Variants in PRRG1 observed in about 807,000 individuals in gnomAD.
PRRG1 encodes proline rich and Gla domain 1.
Under a neutral mutation model 11.8 loss-of-function variants are expected in PRRG1, and 5 were observed. The ratio of observed to expected loss-of-function variants is 0.42; its 90% CI spans 0.22 to 0.89. PRRG1 has a LOEUF of 0.89. PRRG1 is among the 40% of genes least tolerant of loss of function. The pLI is 0.28. For synonymous variants in PRRG1, 66 were observed against 60.4 expected (o/e 1.09, Z -0.43); for missense variants, 155 against 166.1 (o/e 0.93, Z 0.37).
chrX:37,370,949 A>G (rs781943761), intron 1 of PRRG1, among the ~76,000 whole-genome samples: 1 of 111,422 alleles, frequency 9.0e-6, no homozygotes, highest in African/African-American at 3.3e-5. Context: ...ACCCTTCAGC[A>G]CAAACAGCCT....
At chrX:37,400,306 C>T in intron 1 of PRRG1, among the ~76,000 whole-genome samples, 2 of 111,848 alleles carry the variant, frequency 1.8e-5, no homozygotes, top group Middle Eastern at 4.6e-3. Flanking sequence ...TGCAATCAAA[C>T]TAGAACTCAG....
At chrX:37,426,384 A>G (rs139922924) in intron 3 of PRRG1, among the ~76,000 whole-genome samples, 2,266 of 112,183 alleles carry the variant, frequency 0.02, 58 homozygotes, top group African/African-American at 0.069. Context: ...CTTCTCGTAC[A>G]AAAGAAAAGA....
At chrX:37,351,309 ATGGTGAAACC>A (rs2146913453) in intron 1 of PRRG1, among the ~76,000 whole-genome samples, 1 of 110,948 alleles carries the variant, frequency 9.0e-6, no homozygotes, top group East Asian at 2.8e-4. Context: ...CCTGGCTAAC[ATGGTGAAACC>A]CCGTCTCTAC....
intron 1 of PRRG1, among the ~76,000 whole-genome samples, chrX:37,357,412 C>T (rs1388159710): frequency 8.9e-6 from 1 of 111,941 alleles, no homozygotes; most frequent in African/African-American, 3.2e-5. Context: ...CATTTGAATA[C>T]AAAGGAGCTC....
At chrX:37,445,633 C>T (rs781949320) in intron 3 of PRRG1, among the ~76,000 whole-genome samples, 11 of 112,887 alleles carry the variant, frequency 9.7e-5, no homozygotes, top group Non-Finnish European at 1.5e-4. Context: ...GACAAATATC[C>T]GGAAAGACTT....
At position 37,456,337 on chromosome X, in the gene PRRG1, T is replaced by C. The variant is rs1290488349; in HGVS notation, c.*2716T>C. On this transcript the variant is annotated 3_prime_UTR_variant, in exon 4 of 4. Transcript: ENST00000378628. ...TTAGTGTGATTTCTTGCAACTTTAT[T>C]TTACATTTTAAACTGCTGATATTGG... 2 of 112,279 alleles carry C rather than the reference T, an allele frequency of 1.8e-5. No homozygotes were observed. Among genetic ancestry groups the C allele is most frequent in the Non-Finnish European group, 3.8e-5 (2 of 53,252 alleles). The allele number at this position is 112,279 out of a possible 1,213,427, so 9.3% of individuals were successfully genotyped here.
intron 1 of PRRG1, among the ~76,000 whole-genome samples, chrX:37,388,495 A>G (rs1931410933): frequency 8.8e-6 from 1 of 113,311 alleles, no homozygotes; most frequent in Non-Finnish European, 1.9e-5. Context: ...ACTCACAGGC[A>G]TAACACCATG....
rs989598559 is a variant in PRRG1, at chrX:37,438,466, C to T, written c.171+12466C>T. On this transcript the variant is annotated intron_variant, in intron 3 of 3. Transcript: ENST00000378628. Reference sequence around the variant, plus strand: ...TTTTTTTTTTTTTGAAACACGGTTTCGCTCTTATTGCCCAGGCTGGAGTGC... The same window carrying T: ...TTTTTTTTTTTTTGAAACACGGTTTTGCTCTTATTGCCCAGGCTGGAGTGC... Among the ~76,000 whole-genome samples, 301 of 60,438 alleles carry T rather than the reference C, an allele frequency of 5.0e-3. 3 individuals are homozygous for T. Among genetic ancestry groups the T allele is most frequent in the African/African-American group, 0.019 (260 of 14,023 alleles). The allele number at this position is 60,438 out of a possible 115,157, so 52.5% of individuals were successfully genotyped here.
intron 1 of PRRG1, among the ~76,000 whole-genome samples, chrX:37,365,506 C>A (rs1351645708): frequency 4.5e-5 from 5 of 112,033 alleles, no homozygotes; most frequent in African/African-American, 1.6e-4. Flanking sequence ...CAACAAACTT[C>A]TAGCCTCCTT....
At chrX:37,360,919 T>G (rs1470495543) in intron 1 of PRRG1, among the ~76,000 whole-genome samples, 1 of 112,529 alleles carries the variant, frequency 8.9e-6, no homozygotes, top group African/African-American at 3.2e-5. Context: ...CTGAACACCT[T>G]TGGTATGTAA....
chrX:37,363,040 G>A (rs1249730016), intron 1 of PRRG1, among the ~76,000 whole-genome samples: 1 of 111,487 alleles, frequency 9.0e-6, no homozygotes, highest in Non-Finnish European at 1.9e-5. Flanking sequence ...GTAATAATAC[G>A]AATGACAACA....
At chrX:37,375,459 A>C (rs1556371841) in intron 1 of PRRG1, among the ~76,000 whole-genome samples, 1 of 112,111 alleles carries the variant, frequency 8.9e-6, no homozygotes, top group South Asian at 3.7e-4. Flanking sequence ...GAAAAAAAGC[A>C]ATAAAGAATA....
Position 37,425,852 on chromosome X carries a change from G to C in PRRG1, c.23G>C (p.Gly8Ala), listed in dbSNP as rs1932765475. The change falls in exon 3 of 4, where the codon GGA (glycine) becomes GCA (alanine). Residue 8 changes from glycine (G) to alanine (A), a missense_variant. Transcript: ENST00000378628. ...TATTTCTTTTTAGTTTTCCTCACGG[G>C]AGAAAAAGCCAATTCCATATTAAAA... is the stretch of plus-strand genomic sequence containing the variant. MGRVFLT[G>A]EKANSILKRY... 1.7e-6 allele frequency: 2 copies of C among 1,181,583 alleles called. No individual in the cohort carries two copies. The highest frequency in any genetic ancestry group is 2.3e-6 in the Non-Finnish European group (2 of 882,756).
intron 2 of PRRG1, among the ~76,000 whole-genome samples, chrX:37,422,629 G>T (rs1556387343): frequency 9.0e-6 from 1 of 111,720 alleles, no homozygotes; most frequent in South Asian, 3.8e-4. Context: ...CTTGAAAAAG[G>T]GTACTATAGT....
intron 3 of PRRG1, among the ~76,000 whole-genome samples, chrX:37,432,365 C>T (rs1157031228): frequency 2.1e-4 from 23 of 112,034 alleles, no homozygotes; most frequent in African/African-American, 5.8e-4. Context: ...GGATTACAGG[C>T]GTGAGCCACT....
intron 2 of PRRG1, among the ~76,000 whole-genome samples, chrX:37,422,557 G>A (rs181127087): frequency 8.0e-5 from 9 of 112,154 alleles, no homozygotes; most frequent in East Asian, 2.8e-4. Flanking sequence ...AGACTTATGC[G>A]TTAATTCAGA....
chrX:37,356,701 G>A (rs1488668449), intron 1 of PRRG1, among the ~76,000 whole-genome samples: 2 of 111,041 alleles, frequency 1.8e-5, no homozygotes, highest in African/African-American at 6.6e-5. Context: ...ACATTATAAG[G>A]GAAGAGAAGG....
At chrX:37,383,169 C>T (rs782047777) in intron 1 of PRRG1, among the ~76,000 whole-genome samples, 2 of 111,986 alleles carry the variant, frequency 1.8e-5, no homozygotes, top group African/African-American at 6.5e-5. Flanking sequence ...TGCTTCTGCA[C>T]GTGCCTTTTA....
chrX:37,452,840 C>A (rs1921194230), intron 3 of PRRG1, among the ~76,000 whole-genome samples: 2 of 111,663 alleles, frequency 1.8e-5, no homozygotes, highest in Non-Finnish European at 3.8e-5. Context: ...AGGGGAAAAC[C>A]CTCATTACTT....
Sources: allele counts gnomAD v4.1 joint callset (sites outside exome capture counted in the v4.1 genomes callset), GRCh38; gene constraint gnomAD v4.1.1; transcripts MANE v1.5; gene names NCBI Gene and HGNC (gene_info 2026-07-23, HGNC 2026-07-21).